The following FBN1 variants were observed in gnomAD, a reference collection of about 807,000 sequenced individuals.
The protein encoded by FBN1 is fibrillin 1, also known as fibrillin-1.
In FBN1, 29 loss-of-function variants were observed where a neutral mutation model predicts 365.1. The ratio of observed to expected loss-of-function variants is 0.08; its 90% CI spans 0.06 to 0.11. The LOEUF is 0.11. FBN1 is among the 10% of genes least tolerant of loss of function. The pLI is 1.00. For synonymous variants in FBN1, 1,210 were observed against 1,270.5 expected (o/e 0.95, Z 1.01); for missense variants, 2,476 against 3,703.2 (o/e 0.67, Z 8.60).
At chr15:48,431,144 C>G (rs182979604) in intron 55 of FBN1, among the ~76,000 whole-genome samples, 1 of 152,156 alleles carries the variant, frequency 6.6e-6, no homozygotes, top group East Asian at 1.9e-4. Context: ...GTTGCCCAGG[C>G]TGGAGTGCAG....
intron 60 of FBN1, among the ~76,000 whole-genome samples, chr15:48,423,368 G>A (rs80250067): frequency 2.1e-3 from 326 of 152,248 alleles, no homozygotes; most frequent in Middle Eastern, 6.8e-3. Flanking sequence ...AGACCCTCCC[G>A]AGACCTGTCC....
chr15:48,571,019 A>G (rs2044302179), intron 6 of FBN1, among the ~76,000 whole-genome samples: 1 of 152,224 alleles, frequency 6.6e-6, no homozygotes, highest in South Asian at 2.1e-4. Flanking sequence ...CCCCAGAGAA[A>G]GGCCAAAGAT....
intron 24 of FBN1, among the ~76,000 whole-genome samples, chr15:48,490,540 G>A (rs2043550003): frequency 6.6e-6 from 1 of 152,152 alleles, no homozygotes; most frequent in Admixed American, 6.5e-5. Flanking sequence ...TTGGAAAGGT[G>A]GAATGATGAA....
chr15:48,587,373 T>A (rs2044445254), intron 6 of FBN1, among the ~76,000 whole-genome samples: 1 of 152,230 alleles, frequency 6.6e-6, no homozygotes, highest in Non-Finnish European at 1.5e-5. Flanking sequence ...GGGCATTTTT[T>A]AATCCCAATA....
In FBN1 at chr15:48,419,150, A is replaced by G. The variant is rs2042921689; in HGVS notation, c.7819+1537T>C. ...ATAACTCTAATTCTCAAGATTGATG[A>G]GAGCAATTTGGCATTTGGAGACATT... On this transcript the variant is annotated intron_variant, in intron 63 of 65. Coordinates refer to ENST00000316623, the MANE Select transcript of FBN1 (RefSeq NM_000138.5). 2.6e-5 allele frequency among the ~76,000 whole-genome samples: 4 copies of G among 152,310 alleles called. No homozygotes were observed. The South Asian group carries it at 8.3e-4, about 32-fold the overall frequency.
chr15:48,483,740 A>C (rs1566908481), intron 31 of FBN1, 78 bp downstream of exon 31: 2 of 1,548,604 alleles, frequency 1.3e-6, no homozygotes, highest in Non-Finnish European at 1.8e-6. Context: ...TCTATCACTG[A>C]CCCAAACTAA....
intron 6 of FBN1, among the ~76,000 whole-genome samples, chr15:48,567,796 A>G (rs1201377917): frequency 6.6e-6 from 1 of 152,046 alleles, no homozygotes; most frequent in Non-Finnish European, 1.5e-5. Context: ...AAACATAAAC[A>G]GAAAGAAACT....
intron 2 of FBN1, among the ~76,000 whole-genome samples, chr15:48,627,195 T>TA (rs1889901408): frequency 6.6e-6 from 1 of 152,262 alleles, no homozygotes; most frequent in Non-Finnish European, 1.5e-5. Flanking sequence ...CTGATTTTTT[T>TA]ACTAGGTTTG....
intron 54 of FBN1, among the ~76,000 whole-genome samples, chr15:48,433,556 C>G (rs1232760953): frequency 6.6e-6 from 1 of 152,114 alleles, no homozygotes; most frequent in Non-Finnish European, 1.5e-5. Flanking sequence ...TACACAGATG[C>G]CCATGTTCAA....
intron 2 of FBN1, among the ~76,000 whole-genome samples, chr15:48,640,020 A>C (rs891230263): frequency 6.6e-6 from 1 of 152,176 alleles, no homozygotes; most frequent in Admixed American, 6.5e-5. Flanking sequence ...CATCAGTATA[A>C]TACTATAATT....
chr15:48,438,761 T>C (rs1289490823), intron 50 of FBN1, among the ~76,000 whole-genome samples: 2 of 152,192 alleles, frequency 1.3e-5, no homozygotes, highest in Non-Finnish European at 2.9e-5. Flanking sequence ...TATAAAATTC[T>C]CCAACATTGC....
rs1597558124 is a variant in FBN1, at chr15:48,480,503, T to C, written c.3964+1152A>G. On this transcript the variant is annotated intron_variant, in intron 32 of 65. Transcript: ENST00000316623. The stretch of plus-strand genomic sequence containing the variant: ...AGGCTTCATGTAAGGAGTAGCATAG[T>C]GAAAATGAAAACATTCCAGCTTCAT... Among the ~76,000 whole-genome samples, 4 of 152,272 alleles carry C rather than the reference T, an allele frequency of 2.6e-5. No homozygotes were observed. The South Asian group carries it at 6.2e-4, about 24-fold the overall frequency.
chr15:48,413,497 CA>C (rs1281362226), intron 64 of FBN1, among the ~76,000 whole-genome samples: 1 of 152,288 alleles, frequency 6.6e-6, no homozygotes, highest in South Asian at 2.1e-4. Flanking sequence ...TTTCAGTTAT[CA>C]AAGCCAAGTT....
intron 31 of FBN1, among the ~76,000 whole-genome samples, chr15:48,482,439 T>C (rs988373080): frequency 6.6e-6 from 1 of 152,028 alleles, no homozygotes; most frequent in African/African-American, 2.4e-5. Flanking sequence ...TTTCTAGACA[T>C]TGGACATTAG....
intron 53 of FBN1, among the ~76,000 whole-genome samples, chr15:48,436,213 A>T (rs1056002490): frequency 1.9e-4 from 29 of 152,206 alleles, no homozygotes; most frequent in Non-Finnish European, 7.4e-5. Context: ...AAAGGTAATT[A>T]GAAATGTTAT....
rs187010143 is a variant in FBN1 at position 48,623,632 on chromosome 15, T to C, written c.165-10540A>G. On this transcript the variant is annotated intron_variant, in intron 2 of 65. Coordinates refer to ENST00000316623, the MANE Select transcript of FBN1 (RefSeq NM_000138.5). The stretch of plus-strand genomic sequence containing the variant: ...AGATTGCTGCAACTGATCAAGGCCA[T>C]AGATGGAGCCAGCCTCATGCGGCCA... Among the ~76,000 whole-genome samples the C allele has an allele frequency of 7.2e-5, 11 of 152,340 alleles. No individual in the cohort carries two copies. In the East Asian group the frequency reaches 1.7e-3, roughly 24 times the overall value.
At chr15:48,545,676 AAAG>A (rs2141367567) in intron 6 of FBN1, among the ~76,000 whole-genome samples, 1 of 152,300 alleles carries the variant, frequency 6.6e-6, no homozygotes, top group African/African-American at 2.4e-5. Flanking sequence ...AACTGTACAC[AAAG>A]AAGTGGTTAA....
intron 6 of FBN1, among the ~76,000 whole-genome samples, chr15:48,583,275 A>G (rs2044409965): frequency 6.6e-6 from 1 of 152,238 alleles, no homozygotes; most frequent in Admixed American, 6.5e-5. Flanking sequence ...CTTTTTATGG[A>G]TAGACTTAAC....
chr15:48,593,297 G>A (rs2044492228), intron 6 of FBN1, among the ~76,000 whole-genome samples: 1 of 152,140 alleles, frequency 6.6e-6, no homozygotes, highest in South Asian at 2.1e-4. Flanking sequence ...GTCTCCCAGG[G>A]ACATAGATCT....
Sources: allele counts gnomAD v4.1 joint callset (sites outside exome capture counted in the v4.1 genomes callset), GRCh38; gene constraint gnomAD v4.1.1; transcripts MANE v1.5; gene names NCBI Gene and HGNC (gene_info 2026-07-23, HGNC 2026-07-21).